SCAF4: variants seen among roughly 807,000 people sequenced by gnomAD.
SCAF4 encodes SR-related CTD associated factor 4, also known as SR-related and CTD-associated factor 4.
In SCAF4, 25 loss-of-function variants were observed where a neutral mutation model predicts 129.8. The observed-to-expected ratio is 0.19, with a 90% CI of 0.14 to 0.27. The LOEUF is 0.27. Among genes scored for constraint, SCAF4 ranks in the 10% least tolerant of loss-of-function variants. The probability of loss-of-function intolerance (pLI) is 1.00; values close to 1 mark genes in which losing one functional copy is unlikely to be tolerated. For missense variants in SCAF4, 1,246 were observed against 1,457.1 expected, an observed-to-expected ratio of 0.86 and a Z score of 2.36; for synonymous variants, 551 against 497.7, an observed-to-expected ratio of 1.11 and a Z score of -1.43.
In SCAF4 at chr21:31,696,026, C is replaced by G. The variant is rs192643921; in HGVS notation, c.1068+87G>C. Reference sequence around the variant, plus strand: ...AGATATAGTACGACTTAGCCAATTACATAGCTGCAGAGTGCTCTGTGGAAT... The same window carrying G: ...AGATATAGTACGACTTAGCCAATTAGATAGCTGCAGAGTGCTCTGTGGAAT... On this transcript the variant is annotated intron_variant, in intron 9 of 19. Transcript: ENST00000286835. 1.3e-5 allele frequency: 10 copies of G among 797,728 alleles called. No individual in the cohort carries two copies. The Admixed American group carries it at 2.4e-4, about 20-fold the overall frequency. 49.4% of individuals were successfully genotyped at this position (797,728 alleles called of 1,614,324 possible). A position where few individuals can be genotyped will look rare whatever the true frequency, so the allele number is the denominator to read the frequency against.
At chr21:31,678,619 C>A (rs768287718) in intron 19 of SCAF4, among the ~76,000 whole-genome samples, 3 of 152,142 alleles carry the variant, frequency 2.0e-5, no homozygotes, top group Non-Finnish European at 2.9e-5. Flanking sequence ...AAGCTCATCT[C>A]CTGCCACTTT....
chr21:31,714,908 C>G (rs1488761607), intron 1 of SCAF4, among the ~76,000 whole-genome samples: 1 of 152,182 alleles, frequency 6.6e-6, no homozygotes, highest in Non-Finnish European at 1.5e-5. Context: ...TGTTCTTTAA[C>G]TATTAGCCAA....
At chr21:31,706,517 C>T (rs1568851627) in intron 1 of SCAF4, 160 bp from the exon 2 acceptor site, 1 of 602,674 alleles carries the variant, frequency 1.7e-6, no homozygotes, top group East Asian at 2.8e-5. Context: ...CTTTGGTGGC[C>T]AGGCACCCAG....
At chr21:31,674,340 G>C (rs543431448) in intron 19 of SCAF4, among the ~76,000 whole-genome samples, 2 of 152,272 alleles carry the variant, frequency 1.3e-5, no homozygotes, top group Admixed American at 1.3e-4. Context: ...CTACTTGTTT[G>C]ATACATGTGG....
intron 1 of SCAF4, among the ~76,000 whole-genome samples, chr21:31,716,888 G>C (rs2050932548): frequency 3.3e-5 from 5 of 152,100 alleles, no homozygotes; most frequent in Admixed American, 3.3e-4. Flanking sequence ...CCTGAAAGCA[G>C]AATACTGTGT....
At chr21:31,681,511 T>C (rs1389767004) in intron 19 of SCAF4, among the ~76,000 whole-genome samples, 3 of 152,172 alleles carry the variant, frequency 2.0e-5, no homozygotes, top group Non-Finnish European at 4.4e-5. Flanking sequence ...CAAACACTTA[T>C]ACAGTAAAGA....
intron 19 of SCAF4, among the ~76,000 whole-genome samples, chr21:31,674,168 A>G (rs2049789069): frequency 6.6e-6 from 1 of 152,212 alleles, no homozygotes; most frequent in Non-Finnish European, 1.5e-5. Flanking sequence ...TTTGTACAGA[A>G]GAGAGAAAAT....
chr21:31,671,492 T>G lies in SCAF4; in HGVS notation c.3351A>C (p.Ala1117=). The change falls in exon 20 of 20, where the codon GCA becomes GCC. Residue 1117 remains alanine (A), a synonymous_variant. Coordinates refer to ENST00000286835, the MANE Select transcript of SCAF4 (RefSeq NM_020706.2). ...GTAACTCTTCAGAAGGCTTTAGGAC[T>G]GCAGCCTCAGACACCCCCTTCTCAA... ...SELEKGVSEA[A]VLKPSEELPA... The G allele has an allele frequency of 1.2e-6, 2 of 1,614,190 alleles. No homozygotes were observed. The highest frequency in any genetic ancestry group is 1.7e-6 in the Non-Finnish European group (2 of 1,180,018).
chr21:31,682,900 T>G (rs559125308), intron 19 of SCAF4, among the ~76,000 whole-genome samples: 1 of 152,318 alleles, frequency 6.6e-6, no homozygotes, highest in South Asian at 2.1e-4. Context: ...CTTCTTAACT[T>G]GCATACACAT....
At chr21:31,672,821 G>C (rs2049744543) in intron 19 of SCAF4, among the ~76,000 whole-genome samples, 2 of 152,230 alleles carry the variant, frequency 1.3e-5, no homozygotes, top group African/African-American at 4.8e-5. Context: ...CACTGACCTA[G>C]AAAACCCAGG....
At chr21:31,676,868 T>A (rs775311649) in intron 19 of SCAF4, among the ~76,000 whole-genome samples, 7 of 144,964 alleles carry the variant, frequency 4.8e-5, no homozygotes, top group Non-Finnish European at 1.0e-4. Flanking sequence ...TCCCCTCATC[T>A]GTCCCAGCCC....
At chr21:31,680,761 G>T (rs1187227369) in intron 19 of SCAF4, among the ~76,000 whole-genome samples, 1 of 152,164 alleles carries the variant, frequency 6.6e-6, no homozygotes, top group Admixed American at 6.6e-5. Flanking sequence ...TAATATTCTA[G>T]TAAGTGTTGC....
Position 31,706,138 on chromosome 21 carries a change from T to C in SCAF4, c.114+136A>G, listed in dbSNP as rs2833484. 1,322 of 661,490 alleles carry C rather than the reference T, an allele frequency of 2.0e-3. 11 individuals carry two copies. The African/African-American group carries it at 0.022, about 11-fold the overall frequency. 41.0% of individuals were successfully genotyped at this position (661,490 alleles called of 1,614,324 possible). A position where few individuals can be genotyped will look rare whatever the true frequency, so the allele number is the denominator to read the frequency against. ...ACAATGCAAATGCACGCTTATCATG[T>C]ACCTTCAGCAAAGGCTGGTTAGGGC... On this transcript the variant is annotated intron_variant, in intron 2 of 19. Coordinates refer to ENST00000286835, the MANE Select transcript of SCAF4 (RefSeq NM_020706.2).
At chr21:31,676,934 T>C (rs188525504) in intron 19 of SCAF4, among the ~76,000 whole-genome samples, 125 of 152,284 alleles carry the variant, frequency 8.2e-4, no homozygotes, top group African/African-American at 2.6e-3. Context: ...ACATTCTGTA[T>C]AAATGGAATC....
In SCAF4 at chr21:31,685,170, C is replaced by T. The variant is rs776376924; in HGVS notation, c.2367G>A (p.Val789=). The change falls in exon 19 of 20, where the codon GTG becomes GTA. Residue 789 remains valine, a synonymous_variant. Coordinates refer to ENST00000286835, the MANE Select transcript of SCAF4 (RefSeq NM_020706.2). ...LSIGNPIPTV[V]SGARGNAESG... is the part of the protein sequence containing the mutation. ...ACTCGGCGTTTCCTCTAGCCCCAGA[C>T]ACCACTGTTGGAATGGGATTTCCAA... 15 of 1,612,654 alleles carry T rather than the reference C, an allele frequency of 9.3e-6. No homozygotes were observed. The highest frequency in any genetic ancestry group is 2.2e-5 in the East Asian group (1 of 44,886).
intron 15 of SCAF4, among the ~76,000 whole-genome samples, chr21:31,690,100 A>G (rs529254539): frequency 1.3e-5 from 2 of 152,152 alleles, no homozygotes; most frequent in Non-Finnish European, 2.9e-5. Context: ...CCCACAAATA[A>G]CTGCAATTCA....
Position 31,671,425 on chromosome 21 carries a change from C to T in SCAF4, c.3418G>A (p.Gly1140Ser). 6.2e-7 allele frequency: 1 copy of T among 1,613,946 alleles called. No homozygotes were observed. The highest frequency in any genetic ancestry group is 8.5e-7 in the Non-Finnish European group (1 of 1,179,902). ...TAACGAGGAGCCTCTGCTGCTGAGC[C>T]AGAATCCTTTTCGGGTTCAACGGAT... ...TSSVEPEKDS[G>S]SAAEAPR The change falls in exon 20 of 20, where the codon GGC (glycine) becomes AGC (serine). Residue 1140 changes from glycine to serine, a missense_variant. Around this residue, in one of 6 missense-constraint regions of SCAF4, gnomAD observed 339 missense variants for 325.0 expected, o/e 1.04. Coordinates refer to ENST00000286835, the MANE Select transcript of SCAF4 (RefSeq NM_020706.2).
chr21:31,718,145 CAT>C (rs1437926243), intron 1 of SCAF4, among the ~76,000 whole-genome samples: 2 of 152,124 alleles, frequency 1.3e-5, no homozygotes, highest in Non-Finnish European at 2.9e-5. Context: ...GGGGTTTCTC[CAT>C]GTTAGTCAGG....
intron 12 of SCAF4, 40 bp from the exon 13 acceptor site, chr21:31,692,489 A>G: frequency 7.4e-7 from 1 of 1,360,300 alleles, no homozygotes; most frequent in South Asian, 1.2e-5. Context: ...TTCACATTTG[A>G]TAATGAGCAG....
Sources: gnomAD v4.1 joint callset for allele counts (sites outside exome capture counted in the v4.1 genomes callset) on GRCh38, gnomAD v4.1.1 for gene constraint, gnomAD v4.1.1 regional missense constraint, MANE v1.5 for transcripts, NCBI Gene and HGNC (gene_info 2026-07-23, HGNC 2026-07-21) for gene names.